The following HECTD4 variants were observed in gnomAD, a reference collection of about 807,000 sequenced individuals.
HECTD4 encodes HECT domain E3 ubiquitin protein ligase 4.
In HECTD4, 114 loss-of-function variants were observed where a neutral mutation model predicts 471.5. The observed-to-expected ratio is 0.24, with a 90% CI of 0.21 to 0.28. The LOEUF (loss-of-function observed/expected upper bound fraction) is 0.28. Ranked by LOEUF, HECTD4 falls within the 10% of genes least tolerant of loss-of-function variation. HECTD4 has a pLI of 1.00. For synonymous variants in HECTD4, 2,012 were observed against 2,256.0 expected, an observed-to-expected ratio of 0.89 and a Z score of 3.07; for missense variants, 3,866 against 5,651.5, an observed-to-expected ratio of 0.68 and a Z score of 10.13.
chr12:112,231,524 C>T lies in HECTD4; in HGVS notation c.6189G>A (p.Ser2063=), dbSNP rs371484131. ...TGTGGAAGGTTTACCTTGCAAGCTC[C>T]GAGTTCCTCTCTCGGCAAATGGAAG... ...AQTSICRERN[S]ELARTDPVRP... The change falls in exon 39 of 76, where the codon TCG becomes TCA. Residue 2063 remains serine, a synonymous_variant. Coordinates refer to ENST00000682272, the MANE Select transcript of HECTD4 (RefSeq NM_001388303.1). 2.1e-5 allele frequency: 34 copies of T among 1,613,960 alleles called. No homozygotes were observed. The highest frequency in any genetic ancestry group is 4.4e-5 in the South Asian group (4 of 91,072).
Position 112,243,601 on chromosome 12 carries a change from C to A in HECTD4, c.4791+19G>T, listed in dbSNP as rs375175058. On this transcript the variant is annotated intron_variant, in intron 31 of 75. Transcript: ENST00000682272. The surrounding 1 kb of genome is among the most constrained non-coding windows in gnomAD (Gnocchi z 6.6). The stretch of plus-strand genomic sequence containing the variant: ...GCTGTTAGGTGCTATTCATCTGGAG[C>A]CCGCAAAATGTGACGTACAGCTTGG... 1.6e-5 allele frequency: 25 copies of A among 1,605,678 alleles called. No individual in the cohort carries two copies. The African/African-American group carries it at 3.3e-4, about 21-fold the overall frequency.
chr12:112,376,299 C>G (rs1250579883), intron 1 of HECTD4, among the ~76,000 whole-genome samples: 2 of 151,750 alleles, frequency 1.3e-5, no homozygotes, highest in African/African-American at 4.8e-5. Context: ...CAGGCTGGAG[C>G]GCAGTGGCCT....
At chr12:112,296,083 C>T (rs914273543) in intron 7 of HECTD4, among the ~76,000 whole-genome samples, 3 of 152,158 alleles carry the variant, frequency 2.0e-5, no homozygotes, top group African/African-American at 7.2e-5. Context: ...GTGTGAGTAA[C>T]ATGGAGGAAG....
At position 112,204,471 on chromosome 12, in the gene HECTD4, G is replaced by C. The variant is rs376591535; in HGVS notation, c.8269+15C>G. Reference sequence around the variant, plus strand: ...ATAGGAAATTTCATAGGTCGAGTAAGGAGGAAAGCAAAACCTTTTCGAACT... The same window carrying C: ...ATAGGAAATTTCATAGGTCGAGTAACGAGGAAAGCAAAACCTTTTCGAACT... On this transcript the variant is annotated intron_variant, in intron 53 of 75. Coordinates refer to ENST00000682272, the MANE Select transcript of HECTD4 (RefSeq NM_001388303.1). 1.9e-5 allele frequency: 30 copies of C among 1,607,702 alleles called. No individual in the cohort carries two copies. Among genetic ancestry groups the C allele is most frequent in the African/African-American group, 1.7e-4 (13 of 74,688 alleles).
chr12:112,216,864 T>C lies in HECTD4; in HGVS notation c.7294A>G (p.Thr2432Ala). 1 of 1,614,000 alleles carries C rather than the reference T, an allele frequency of 6.2e-7. No individual in the cohort carries two copies. The highest frequency in any genetic ancestry group is 8.5e-7 in the Non-Finnish European group (1 of 1,179,890). The change falls in exon 47 of 76, where the codon ACC (threonine) becomes GCC (alanine). Residue 2432 changes from threonine (T) to alanine (A), a missense_variant. By Grantham distance (58) the Thr-to-Ala change is moderately conservative (BLOSUM62 0). Coordinates refer to ENST00000682272, the MANE Select transcript of HECTD4 (RefSeq NM_001388303.1). The part of the protein sequence containing the change: ...IVSYGDTDDD[T>A]GPIVSFGFTT... Reference sequence around the variant, plus strand: ...AAGCCAAAGGAAACTATGGGTCCGGTGTCATCATCGGTGTCTCCATAGGAA... The same window carrying C: ...AAGCCAAAGGAAACTATGGGTCCGGCGTCATCATCGGTGTCTCCATAGGAA...
chr12:112,334,079 G>A (rs998201343), intron 1 of HECTD4, among the ~76,000 whole-genome samples: 6 of 151,988 alleles, frequency 3.9e-5, no homozygotes, highest in Non-Finnish European at 5.9e-5. Context: ...GTGTGGTGGT[G>A]CGTGCTGTAG....
At chr12:112,368,907 T>C (rs2036615627) in intron 1 of HECTD4, among the ~76,000 whole-genome samples, 1 of 152,204 alleles carries the variant, frequency 6.6e-6, no homozygotes, top group Non-Finnish European at 1.5e-5. Flanking sequence ...GTTATTAGCA[T>C]GTAAGAGAGA....
Position 112,311,175 on chromosome 12 carries a change from T to C in HECTD4, c.917-1506A>G, listed in dbSNP as rs562169969. Among the ~76,000 whole-genome samples the C allele has an allele frequency of 1.1e-3, 172 of 151,934 alleles. 2 individuals carry two copies. Among genetic ancestry groups the C allele is most frequent in the African/African-American group, 4.0e-3 (166 of 41,438 alleles). On this transcript the variant is annotated intron_variant, in intron 4 of 75. Transcript: ENST00000682272. ...TACTAGGGAGGCTGAGGCAGGAGAA[T>C]TGCTTGAACCTGGGAGGCAGAGGTT...
Position 112,259,202 on chromosome 12 carries a change from C to A in HECTD4, c.2937G>T (p.Leu979=). The A allele has an allele frequency of 6.2e-7, 1 of 1,613,916 alleles. No individual in the cohort carries two copies. Among genetic ancestry groups the A allele is most frequent in the Non-Finnish European group, 8.5e-7 (1 of 1,179,846 alleles). Residue 979 remains leucine (L), a synonymous_variant, in exon 19 of 76, where the codon CTG becomes CTT. Transcript: ENST00000682272. The part of the protein sequence containing the change: ...TMLGHLLPVL[L]TSLMHPNLQT... ...GTAAATTTGGATGCATCAAGGAGGT[C>A]AGTAACACTGGAAGAAGGTGACCAA...
intron 18 of HECTD4, among the ~76,000 whole-genome samples, chr12:112,260,365 T>C (rs1202061173): frequency 5.3e-5 from 8 of 152,194 alleles, no homozygotes; most frequent in Admixed American, 3.9e-4. Context: ...TACGTATTAC[T>C]AAGCCTCAAT....
At position 112,193,195 on chromosome 12, in the gene HECTD4, CAA is replaced by C; in HGVS notation, c.8956-6_8956-5del. On this transcript the variant is annotated splice_polypyrimidine_tract_variant and splice_region_variant and intron_variant, in intron 57 of 75. Coordinates refer to ENST00000682272, the MANE Select transcript of HECTD4 (RefSeq NM_001388303.1). The surrounding 1 kb of genome is among the most constrained non-coding windows in gnomAD (Gnocchi z 5.2). Reference sequence around the variant, plus strand: ...AGGGGAACTGCTCTGGTGCTGTCTGCAAAGAGACACTGAATAAGGAAAGCCAC... The same window carrying C: ...AGGGGAACTGCTCTGGTGCTGTCTGCAGAGACACTGAATAAGGAAAGCCAC... 1 of 1,613,498 alleles carries C rather than the reference CAA, an allele frequency of 6.2e-7. No homozygotes were observed. The highest frequency in any genetic ancestry group is 8.5e-7 in the Non-Finnish European group (1 of 1,179,722).
At chr12:112,249,244 C>T (rs1415755402) in intron 25 of HECTD4, among the ~76,000 whole-genome samples, 1 of 151,456 alleles carries the variant, frequency 6.6e-6, no homozygotes, top group Non-Finnish European at 1.5e-5. Flanking sequence ...ATCCCAGTTA[C>T]TAGGGAGGCT....
intron 1 of HECTD4, chr12:112,322,714 C>G (rs1029407048): frequency 6.6e-6 from 1 of 152,588 alleles, no homozygotes; most frequent in African/African-American, 2.4e-5. Context: ...CTAATTACAT[C>G]AACATACATT....
chr12:112,323,961 TCTTTCTTCCTTCCTTCCTTCCTTCCTTC>T lies in HECTD4; in HGVS notation c.178-4247_178-4220del, dbSNP rs1438529490. Among the ~76,000 whole-genome samples, 147 of 43,760 alleles carry T rather than the reference TCTTTCTTCCTTCCTTCCTTCCTTCCTTC, an allele frequency of 3.4e-3. 12 individuals carry two copies. The highest frequency in any genetic ancestry group is 7.0e-3 in the South Asian group (6 of 854). The allele number at this position is 43,760 out of a possible 152,430, so 28.7% of individuals were successfully genotyped here. On this transcript the variant is annotated intron_variant, in intron 1 of 75. Coordinates refer to ENST00000682272, the MANE Select transcript of HECTD4 (RefSeq NM_001388303.1). ...TTACTGAGGTGCTTCTTTCTTTCTTTCTTTCTTCCTTCCTTCCTTCCTTCCTTCCTTCCTTCCTTCCTTCCTTCCTTCC... is the reference window on the plus strand; with the variant it reads ...TTACTGAGGTGCTTCTTTCTTTCTTTCTTCCTTCCTTCCTTCCTTCCTTCC...
At chr12:112,295,645 T>C (rs1238698374) in intron 7 of HECTD4, among the ~76,000 whole-genome samples, 1 of 145,386 alleles carries the variant, frequency 6.9e-6, no homozygotes, top group East Asian at 2.1e-4. Flanking sequence ...TGGCCCTTTT[T>C]TTCTTTTTTT....
chr12:112,228,886 A>G lies in HECTD4; in HGVS notation c.6520-75T>C. 2 of 1,391,158 alleles carry G rather than the reference A, an allele frequency of 1.4e-6. No individual in the cohort carries two copies. Among genetic ancestry groups the G allele is most frequent in the Non-Finnish European group, 2.0e-6 (2 of 998,964 alleles). 86.2% of individuals were successfully genotyped at this position (1,391,158 alleles called of 1,614,324 possible). ...AGCTGTCTTACGAGACAAGAGGAAA[A>G]AGTAAATTTATAGTTGTCATTGTTG... On this transcript the variant is annotated intron_variant, in intron 41 of 75. Coordinates refer to ENST00000682272, the MANE Select transcript of HECTD4 (RefSeq NM_001388303.1). The surrounding 1 kb of genome is among the most constrained non-coding windows in gnomAD (Gnocchi z 4.9).
At chr12:112,272,771 GTC>G (rs1302352871) in intron 11 of HECTD4, among the ~76,000 whole-genome samples, 2 of 151,104 alleles carry the variant, frequency 1.3e-5, no homozygotes, top group Non-Finnish European at 2.9e-5. Flanking sequence ...TGAGCCACTG[GTC>G]TCTGTTTGTT....
intron 18 of HECTD4, among the ~76,000 whole-genome samples, chr12:112,260,348 A>T (rs2034115201): frequency 6.6e-6 from 1 of 152,162 alleles, no homozygotes; most frequent in South Asian, 2.1e-4. Context: ...CTCCCATTAG[A>T]CAGAACTACG....
At chr12:112,318,121 A>C (rs1198111276) in intron 2 of HECTD4, among the ~76,000 whole-genome samples, 4 of 151,606 alleles carry the variant, frequency 2.6e-5, no homozygotes, top group Non-Finnish European at 5.9e-5. Context: ...CTAAAAATAC[A>C]AAAAAATTAG....
Sources: gnomAD v4.1 joint callset for allele counts (sites outside exome capture counted in the v4.1 genomes callset) on GRCh38, gnomAD v4.1.1 for gene constraint, Gnocchi (gnomAD v3.1) non-coding constraint, MANE v1.5 for transcripts, NCBI Gene and HGNC (gene_info 2026-07-23, HGNC 2026-07-21) for gene names.